CNTN4: variants seen among roughly 807,000 people sequenced by gnomAD.
The protein encoded by CNTN4 is contactin 4.
Under a neutral mutation model 122.5 loss-of-function variants are expected in CNTN4, and 77 were observed. That is an observed-to-expected ratio of 0.63 (90% confidence interval 0.52 to 0.76). CNTN4 has a LOEUF of 0.76. Among genes scored for constraint, CNTN4 ranks in the 30% least tolerant of loss-of-function variants. CNTN4 has a pLI of 0.00. For missense variants in CNTN4, 1,256 were observed against 1,259.1 expected, an observed-to-expected ratio of 1.00 and a Z score of 0.04; for synonymous variants, 512 against 447.0, an observed-to-expected ratio of 1.15 and a Z score of -1.83.
intron 2 of CNTN4, chr3:2,144,228 G>T (rs2035137923): frequency 6.6e-6 from 1 of 152,146 alleles, no homozygotes; most frequent in Non-Finnish European, 1.5e-5. Context: ...TGTTTCTTTG[G>T]CTACAGCTTA....
At chr3:3,025,026 T>C (rs781315753) in intron 14 of CNTN4, among the ~76,000 whole-genome samples, 1 of 152,202 alleles carries the variant, frequency 6.6e-6, no homozygotes, top group Non-Finnish European at 1.5e-5. Context: ...TTCTGGAATA[T>C]GGCCTAATTC....
chr3:2,843,443 C>T (rs185779727), intron 7 of CNTN4, among the ~76,000 whole-genome samples: 1 of 152,118 alleles, frequency 6.6e-6, no homozygotes, highest in Admixed American at 6.5e-5. Flanking sequence ...GTTTCTCCAG[C>T]CTTTTGTTAC....
chr3:2,814,332 C>A (rs2728091), intron 6 of CNTN4, among the ~76,000 whole-genome samples: 148,916 of 152,296 alleles, frequency 0.98, 72,883 homozygotes, highest in East Asian at 1. Flanking sequence ...TTATTCAATA[C>A]TATCTTTGGT....
chr3:2,268,287 G>A (rs1312049302), intron 2 of CNTN4, among the ~76,000 whole-genome samples: 1 of 151,910 alleles, frequency 6.6e-6, no homozygotes, highest in African/African-American at 2.4e-5. Context: ...AAGCCTATAT[G>A]TTATTATGGA....
intron 2 of CNTN4, among the ~76,000 whole-genome samples, chr3:2,288,582 G>A (rs780881797): frequency 3.9e-5 from 6 of 152,124 alleles, no homozygotes; most frequent in Non-Finnish European, 5.9e-5. Flanking sequence ...GCAAGAGGAA[G>A]TTGCTATAAA....
intron 13 of CNTN4, among the ~76,000 whole-genome samples, chr3:2,928,180 G>A (rs1370063280): frequency 1.3e-5 from 2 of 152,134 alleles, no homozygotes; most frequent in Admixed American, 1.3e-4. Context: ...TTAAATGTCA[G>A]CAACTAATTT....
At position 2,718,615 on chromosome 3, in the gene CNTN4, G is replaced by A. The variant is rs1045532917; in HGVS notation, c.56-17600G>A. On this transcript the variant is annotated intron_variant, in intron 4 of 24. Transcript: ENST00000418658. ...TTTTCTATTTATTTCCTGGGAGTAG[G>A]GAAGGATAGTTGTGTTGCTTGAAGT... Among the ~76,000 whole-genome samples, 10 of 152,084 alleles carry A rather than the reference G, an allele frequency of 6.6e-5. 1 individual carries two copies. Among genetic ancestry groups the A allele is most frequent in the Admixed American group, 1.3e-4 (2 of 15,260 alleles).
At chr3:2,693,006 C>T (rs1016026528) in intron 4 of CNTN4, among the ~76,000 whole-genome samples, 3 of 152,078 alleles carry the variant, frequency 2.0e-5, no homozygotes, top group Admixed American at 6.6e-5. Flanking sequence ...CACCTGTATG[C>T]ATGTCAATGA....
At chr3:2,361,570 C>T (rs1054478153) in intron 3 of CNTN4, among the ~76,000 whole-genome samples, 1 of 152,134 alleles carries the variant, frequency 6.6e-6, no homozygotes. Context: ...ATTCAGCCCA[C>T]ACTAAAAAGG....
intron 16 of CNTN4, among the ~76,000 whole-genome samples, chr3:3,032,697 G>A (rs574356991): frequency 6.6e-6 from 1 of 152,248 alleles, no homozygotes; most frequent in African/African-American, 2.4e-5. Flanking sequence ...GCACTGTAAT[G>A]GCAGCCAGAA....
intron 7 of CNTN4, chr3:2,866,350 T>C (rs935128975): frequency 1.2e-5 from 4 of 342,622 alleles, no homozygotes; most frequent in Non-Finnish European, 1.8e-5. Flanking sequence ...ACAAAAGAAA[T>C]GATCTAAATA....
chr3:2,870,970 C>T (rs1243815821), intron 8 of CNTN4, among the ~76,000 whole-genome samples: 1 of 152,184 alleles, frequency 6.6e-6, no homozygotes, highest in African/African-American at 2.4e-5. Flanking sequence ...ATTTACCACT[C>T]ACCCGAGTCC....
chr3:2,261,279 C>T (rs1402467708), intron 2 of CNTN4, among the ~76,000 whole-genome samples: 1 of 152,068 alleles, frequency 6.6e-6, no homozygotes, highest in East Asian at 1.9e-4. Context: ...ATCATAGAAC[C>T]TGCCAATTAA....
chr3:2,406,761 A>G (rs1238610290), intron 3 of CNTN4, among the ~76,000 whole-genome samples: 13 of 152,206 alleles, frequency 8.5e-5, no homozygotes, highest in Admixed American at 8.5e-4. Context: ...CAGAGAGACA[A>G]TGTAGCCTCA....
At chr3:2,989,662 C>T (rs1253183386) in intron 14 of CNTN4, among the ~76,000 whole-genome samples, 2 of 152,168 alleles carry the variant, frequency 1.3e-5, no homozygotes, top group African/African-American at 4.8e-5. Context: ...AGATTGATTA[C>T]AACTATTTCA....
chr3:2,263,577 TAG>T (rs1183057227), intron 2 of CNTN4, among the ~76,000 whole-genome samples: 1 of 152,140 alleles, frequency 6.6e-6, no homozygotes, highest in African/African-American at 2.4e-5. Context: ...ATGATCAAAT[TAG>T]AGTAACTGGG....
intron 4 of CNTN4, among the ~76,000 whole-genome samples, chr3:2,694,441 G>A (rs77766825): frequency 1.3e-5 from 2 of 152,182 alleles, no homozygotes; most frequent in Non-Finnish European, 2.9e-5. Context: ...ATAAAGGACA[G>A]TCAAGAATTG....
rs181951003 is a variant in CNTN4, at chr3:2,428,049, T to C, written c.-89+88816T>C. 4.7e-3 allele frequency among the ~76,000 whole-genome samples: 710 copies of C among 152,312 alleles called. 8 individuals are homozygous for C. The highest frequency in any genetic ancestry group is 0.016 in the African/African-American group (665 of 41,560). The stretch of plus-strand genomic sequence containing the variant: ...CAATTTGCCAGTCTGTGTCTTTTAA[T>C]TGGAGCATTTAGCCCATTTACATTT... On this transcript the variant is annotated intron_variant, in intron 3 of 24. Transcript: ENST00000418658.
chr3:2,199,032 AT>A (rs2037974314), intron 2 of CNTN4, among the ~76,000 whole-genome samples: 1 of 152,224 alleles, frequency 6.6e-6, no homozygotes, highest in Non-Finnish European at 1.5e-5. Flanking sequence ...CATGCAGCCC[AT>A]GGCCAAGAGA....
Sources: allele counts gnomAD v4.1 joint callset (sites outside exome capture counted in the v4.1 genomes callset), GRCh38; gene constraint gnomAD v4.1.1; transcripts MANE v1.5; gene names NCBI Gene and HGNC (gene_info 2026-07-23, HGNC 2026-07-21).